CHAF1A: variants seen among roughly 807,000 people sequenced by gnomAD.
The protein encoded by CHAF1A is chromatin assembly factor 1 subunit A, also known as CAF-1 subunit A.
In CHAF1A, 5 loss-of-function variants were observed where a neutral mutation model predicts 93.2. The ratio of observed to expected loss-of-function variants is 0.05; its 90% CI spans 0.03 to 0.11. The LOEUF is 0.11. CHAF1A is among the 10% of genes least tolerant of loss of function. The pLI, the probability that CHAF1A is intolerant of heterozygous loss-of-function variation, is 1.00. For synonymous variants in CHAF1A, 504 were observed against 510.3 expected, an observed-to-expected ratio of 0.99 and a Z score of 0.17; for missense variants, 1,102 against 1,259.9, an observed-to-expected ratio of 0.87 and a Z score of 1.90.
At chr19:4,421,954 G>C (rs1973997526) in intron 4 of CHAF1A, among the ~76,000 whole-genome samples, 1 of 151,380 alleles carries the variant, frequency 6.6e-6, no homozygotes. Context: ...TGATTCTCCT[G>C]CCCCAGCCTC....
intron 1 of CHAF1A, among the ~76,000 whole-genome samples, chr19:4,403,056 C>T (rs929595958): frequency 2.6e-5 from 4 of 152,348 alleles, no homozygotes; most frequent in Non-Finnish European, 2.9e-5. Context: ...GTCAGTTCGT[C>T]CCTCCAGGAC....
At chr19:4,419,181 C>CA (rs1439797416) in intron 4 of CHAF1A, among the ~76,000 whole-genome samples, 1 of 151,746 alleles carries the variant, frequency 6.6e-6, no homozygotes, top group Non-Finnish European at 1.5e-5. Flanking sequence ...CACCTGGCCG[C>CA]AGGGGACTTT....
intron 11 of CHAF1A, chr19:4,430,878 C>T (rs561249484): frequency 1.5e-5 from 8 of 524,140 alleles, no homozygotes; most frequent in African/African-American, 7.7e-5. Flanking sequence ...AGCAGACACC[C>T]TGGTGAGGGA....
intron 2 of CHAF1A, among the ~76,000 whole-genome samples, chr19:4,408,461 C>CTTTTTTT (rs778100682): frequency 0.031 from 1,128 of 36,010 alleles, 339 homozygotes; most frequent in Middle Eastern, 0.043. Flanking sequence ...CGCACCCGGC[C>CTTTTTTT]TTTTTTTTTT....
At chr19:4,445,151 A>C (rs1054725255), downstream of CHAF1A, 1 of 273,884 alleles carries the variant, frequency 3.7e-6, no homozygotes, top group South Asian at 4.2e-5. Context: ...CCCACGGCAC[A>C]CGGGAACAGG....
chr19:4,415,940 G>A (rs545879625), intron 3 of CHAF1A, among the ~76,000 whole-genome samples: 56 of 152,240 alleles, frequency 3.7e-4, no homozygotes, highest in Admixed American at 3.3e-4. Flanking sequence ...TTGGGAGGCC[G>A]AGGCGGGCGG....
At chr19:4,410,409 G>A (rs558222995) in intron 3 of CHAF1A, among the ~76,000 whole-genome samples, 5 of 146,518 alleles carry the variant, frequency 3.4e-5, no homozygotes, top group East Asian at 2.0e-4. Flanking sequence ...TTTTGACAGA[G>A]TCACTCTATC....
intron 2 of CHAF1A, among the ~76,000 whole-genome samples, chr19:4,407,172 G>A (rs1425599502): frequency 1.3e-5 from 2 of 151,478 alleles, no homozygotes; most frequent in African/African-American, 4.9e-5. Flanking sequence ...TGAGCCAAGG[G>A]TGCGCCACTG....
At chr19:4,432,357 C>A in intron 12 of CHAF1A, 150 bp downstream of exon 12, 1 of 912,020 alleles carries the variant, frequency 1.1e-6, no homozygotes, top group Non-Finnish European at 1.6e-6. Flanking sequence ...CATGTCCGTA[C>A]GTTCAATGAT....
At position 4,427,550 on chromosome 19, in the gene CHAF1A, C is replaced by G. The variant is rs150437144; in HGVS notation, c.1378-1114C>G. Among the ~76,000 whole-genome samples, 173 of 150,598 alleles carry G rather than the reference C, an allele frequency of 1.1e-3. 1 individual carries two copies. The highest frequency in any genetic ancestry group is 4.1e-3 in the African/African-American group (166 of 40,914). On this transcript the variant is annotated intron_variant, in intron 7 of 14. Coordinates refer to ENST00000301280, the MANE Select transcript of CHAF1A (RefSeq NM_005483.3). ...GCCTCAGCCTCCTGAGTAGCTGGGA[C>G]TACAGGTGCCCACCACCATGCCAAG...
chr19:4,422,496 T>G lies in CHAF1A; in HGVS notation c.1018-70T>G. The G allele has an allele frequency of 7.2e-7, 1 of 1,384,088 alleles. No individual in the cohort carries two copies. Among genetic ancestry groups the G allele is most frequent in the Non-Finnish European group, 1.0e-6 (1 of 998,334 alleles). 85.7% of individuals were successfully genotyped at this position (1,384,088 alleles called of 1,614,324 possible). On this transcript the variant is annotated intron_variant, in intron 4 of 14. Transcript: ENST00000301280. The surrounding 1 kb of genome is among the most constrained non-coding windows in gnomAD (Gnocchi z 4.6). ...CCCGTCCAGGCCGTGCTGTCCTCCA[T>G]GCTGTGAACCGAGCTTCCTCCTGGG...
chr19:4,446,650 T>A, downstream of CHAF1A: 1 of 1,612,428 alleles, frequency 6.2e-7, no homozygotes, highest in Non-Finnish European at 8.5e-7. Flanking sequence ...CAGCTGTTCC[T>A]TGTGCCTCTC....
intron 12 of CHAF1A, among the ~76,000 whole-genome samples, chr19:4,432,418 C>G (rs1192677799): frequency 6.6e-6 from 1 of 152,100 alleles, no homozygotes; most frequent in African/African-American, 2.4e-5. Flanking sequence ...GTTTTATCAA[C>G]CAGGACACAG....
chr19:4,430,506 T>C (rs1258711342), intron 10 of CHAF1A, 43 bp from the exon 11 acceptor site: 1 of 1,382,094 alleles, frequency 7.2e-7, no homozygotes, highest in South Asian at 1.2e-5. Context: ...GCACACACTC[T>C]GCTTTTCTAT....
intron 3 of CHAF1A, among the ~76,000 whole-genome samples, chr19:4,411,591 G>GAA (rs147288937): frequency 7.0e-6 from 1 of 143,016 alleles, no homozygotes; most frequent in Non-Finnish European, 1.5e-5. Flanking sequence ...GATGAAAAAG[G>GAA]AAAAAATGGC....
chr19:4,446,902 C>A, downstream of CHAF1A: 2 of 1,613,962 alleles, frequency 1.2e-6, no homozygotes, highest in Non-Finnish European at 1.7e-6. Context: ...TGGGTCCCTT[C>A]CAGGCAGTTA....
Position 4,433,218 on chromosome 19 carries a change from C to G in CHAF1A, c.2352C>G (p.Pro784=). 6.2e-7 allele frequency: 1 copy of G among 1,614,146 alleles called. No individual in the cohort carries two copies. Among genetic ancestry groups the G allele is most frequent in the Non-Finnish European group, 8.5e-7 (1 of 1,180,010 alleles). Residue 784 remains proline (P), a synonymous_variant, in exon 13 of 15, where the codon CCC becomes CCG. Transcript: ENST00000301280. This position sits in a 1 kb window ranked among gnomAD's most constrained non-coding sequence, Gnocchi z 5.6. ...RSPSTTYLHT[P]TPSEDAAIPS... Reference sequence around the variant, plus strand: ...CCTCCACCACCTACCTGCACACCCCCACCCCCAGCGAGGATGCCGCCATCC... The same window carrying G: ...CCTCCACCACCTACCTGCACACCCCGACCCCCAGCGAGGATGCCGCCATCC...
chr19:4,445,332 CTGCCA>C (rs771805982), downstream of CHAF1A: 2 of 1,225,904 alleles, frequency 1.6e-6, no homozygotes, highest in Non-Finnish European at 2.3e-6. Flanking sequence ...GATGGGGGCT[CTGCCA>C]CGGGGCCCAA....
At chr19:4,416,725 C>T (rs243360) in intron 3 of CHAF1A, among the ~76,000 whole-genome samples, 44,295 of 151,718 alleles carry the variant, frequency 0.29, 7,093 homozygotes, top group East Asian at 0.6. Flanking sequence ...CCCCTATCTC[C>T]ACTAAAAATA....
Sources: gnomAD v4.1 joint callset for allele counts (sites outside exome capture counted in the v4.1 genomes callset) on GRCh38, gnomAD v4.1.1 for gene constraint, Gnocchi (gnomAD v3.1) non-coding constraint, MANE v1.5 for transcripts, NCBI Gene and HGNC (gene_info 2026-07-23, HGNC 2026-07-21) for gene names.